TTBK2: variants seen among roughly 807,000 people sequenced by gnomAD.
TTBK2 encodes the protein tau tubulin kinase 2.
A neutral mutation model predicts 110.8 loss-of-function variants in TTBK2; 28 were observed. That is an observed-to-expected ratio of 0.25 (90% CI 0.19 to 0.35). The LOEUF is 0.35. Ranked by LOEUF, TTBK2 falls within the 10% of genes least tolerant of loss-of-function variation. TTBK2 has a pLI of 1.00. For synonymous variants in TTBK2, 532 were observed against 527.3 expected (o/e 1.01, Z -0.12); for missense variants, 1,369 against 1,500.3 (o/e 0.91, Z 1.45).
At chr15:42,880,605 G>C (rs147881527) in intron 1 of TTBK2, among the ~76,000 whole-genome samples, 268 of 152,072 alleles carry the variant, frequency 1.8e-3, no homozygotes, top group African/African-American at 6.1e-3. Context: ...TGTTGCCCAG[G>C]CTGGTCTCAG....
chr15:42,761,899 A>G (rs1455615329), intron 13 of TTBK2, among the ~76,000 whole-genome samples: 1 of 152,212 alleles, frequency 6.6e-6, no homozygotes, highest in African/African-American at 2.4e-5. Flanking sequence ...GAATTCCCAC[A>G]TGTTGTGGGA....
intron 9 of TTBK2, among the ~76,000 whole-genome samples, chr15:42,806,213 G>A (rs1486001198): frequency 6.6e-6 from 1 of 151,696 alleles, no homozygotes; most frequent in Admixed American, 6.6e-5. Context: ...GCAGTGAGCC[G>A]AGATCACACC....
rs756109463 is a variant in TTBK2 at position 42,753,842 on chromosome 15, T to TA, written c.1999-596dup. 7.2e-5 allele frequency among the ~76,000 whole-genome samples: 11 copies of TA among 152,296 alleles called. No individual in the cohort carries two copies. The East Asian group carries it at 1.9e-3, about 27-fold the overall frequency. ...TCTCTTAACTCTGCCCATACATCTG[T>TA]AAAAAATTCCTTACATTAAATTCTC... On this transcript the variant is annotated intron_variant, in intron 13 of 14. Transcript: ENST00000267890.
chr15:42,851,799 G>A (rs1213139707), intron 3 of TTBK2, among the ~76,000 whole-genome samples: 3 of 152,008 alleles, frequency 2.0e-5, no homozygotes, highest in Non-Finnish European at 4.4e-5. Context: ...GATAACAGTG[G>A]GGAAGAAAGT....
intron 13 of TTBK2, among the ~76,000 whole-genome samples, chr15:42,755,522 A>AG (rs2061934354): frequency 6.6e-6 from 1 of 152,158 alleles, no homozygotes; most frequent in East Asian, 1.9e-4. Context: ...ACACCTAACT[A>AG]ATGTCCTGGA....
Position 42,740,257 on chromosome 15 carries a change from C to T in TTBK2, c.*5538G>A, listed in dbSNP as rs975099636. 7 of 152,182 alleles carry T rather than the reference C, an allele frequency of 4.6e-5. No homozygotes were observed. The highest frequency in any genetic ancestry group is 1.2e-4 in the African/African-American group (5 of 41,432). The allele number at this position is 152,182 out of a possible 1,614,324, so 9.4% of individuals were successfully genotyped here. A position where few individuals can be genotyped will look rare whatever the true frequency, so the allele number is the denominator to read the frequency against. On this transcript the variant is annotated 3_prime_UTR_variant, in exon 15 of 15. Coordinates refer to ENST00000267890, the MANE Select transcript of TTBK2 (RefSeq NM_173500.4). ...AGAAAACCGTTACATTGCACAGGGC[C>T]ATGAAAGGAAAGGCTTCACTACTTT... is the stretch of plus-strand genomic sequence containing the variant.
chr15:42,782,231 CCTG>C (rs1890210284), intron 11 of TTBK2, among the ~76,000 whole-genome samples: 1 of 152,106 alleles, frequency 6.6e-6, no homozygotes, highest in South Asian at 2.1e-4. Flanking sequence ...ACCACCAAAC[CCTG>C]CTAATTTTTG....
intron 9 of TTBK2, among the ~76,000 whole-genome samples, chr15:42,808,575 ATGGTGGCTTC>A: frequency 6.6e-6 from 1 of 152,170 alleles, no homozygotes; most frequent in South Asian, 2.1e-4. Flanking sequence ...AAGACCAGGT[ATGGTGGCTTC>A]ATGCTGGCTA....
chr15:42,840,250 A>G, intron 4 of TTBK2, 110 bp downstream of exon 4: 1 of 990,842 alleles, frequency 1.0e-6, no homozygotes, highest in South Asian at 1.3e-5. Flanking sequence ...ATAGTATAAA[A>G]CATTCTCACA....
intron 3 of TTBK2, among the ~76,000 whole-genome samples, chr15:42,853,503 T>A (rs1893803658): frequency 6.6e-6 from 1 of 152,132 alleles, no homozygotes. Context: ...AATTAAATAA[T>A]CCTTCAATTA....
chr15:42,867,678 A>T lies in TTBK2; in HGVS notation c.217+4933T>A, dbSNP rs115898058. On this transcript the variant is annotated intron_variant, in intron 3 of 14. Transcript: ENST00000267890. ...ATGGCCAAAATCCAGAACACTGACA[A>T]TACCAAATGCTGGTGAGGATGTGGA... Among the ~76,000 whole-genome samples the T allele has an allele frequency of 9.1e-3, 1,385 of 152,320 alleles. 17 individuals are homozygous for T. Among genetic ancestry groups the T allele is most frequent in the African/African-American group, 0.032 (1,316 of 41,566 alleles).
At chr15:42,793,477 G>C (rs1212041158) in intron 10 of TTBK2, among the ~76,000 whole-genome samples, 1 of 152,080 alleles carries the variant, frequency 6.6e-6, no homozygotes, top group Non-Finnish European at 1.5e-5. Flanking sequence ...GGAATTTGAG[G>C]CCATAGTGCA....
chr15:42,880,693 C>T (rs982978850), intron 1 of TTBK2, among the ~76,000 whole-genome samples: 1 of 152,084 alleles, frequency 6.6e-6, no homozygotes, highest in African/African-American at 2.4e-5. Flanking sequence ...TGCACCTGGT[C>T]GGGCAGTTTG....
rs1298200358 is a variant in TTBK2, at chr15:42,815,893, A to AAAAT, written c.603+1138_603+1139insATTT. Among the ~76,000 whole-genome samples, 79 of 102,154 alleles carry AAAAT rather than the reference A, an allele frequency of 7.7e-4. 1 individual carries two copies. Among genetic ancestry groups the AAAAT allele is most frequent in the African/African-American group, 3.6e-3 (72 of 20,110 alleles). The allele number at this position is 102,154 out of a possible 152,430, so 67.0% of individuals were successfully genotyped here. A position where few individuals can be genotyped will look rare whatever the true frequency, so the allele number is the denominator to read the frequency against. ...ATATTTAAATATATATATATTTAAA[A>AAAAT]ATATATATATATATTTAAAAATATA... is the stretch of plus-strand genomic sequence containing the variant. On this transcript the variant is annotated intron_variant, in intron 7 of 14. Coordinates refer to ENST00000267890, the MANE Select transcript of TTBK2 (RefSeq NM_173500.4).
chr15:42,807,749 T>C (rs1316615443), intron 9 of TTBK2, among the ~76,000 whole-genome samples: 1 of 152,162 alleles, frequency 6.6e-6, no homozygotes, highest in Non-Finnish European at 1.5e-5. Flanking sequence ...CTCTGTCTCT[T>C]ATAGTTGTTA....
chr15:42,830,163 A>G, intron 4 of TTBK2, 85 bp from the exon 5 acceptor site: 3 of 1,547,478 alleles, frequency 1.9e-6, no homozygotes, highest in Non-Finnish European at 2.6e-6. Context: ...CTTACCATTA[A>G]AAGATGTTTT....
At chr15:42,874,587 G>T (rs1159149359) in intron 2 of TTBK2, among the ~76,000 whole-genome samples, 1 of 151,846 alleles carries the variant, frequency 6.6e-6, no homozygotes, top group East Asian at 2.0e-4. Flanking sequence ...AAAGTGCTGG[G>T]ATTCCAGGCG....
At chr15:42,787,839 C>T (rs1029646489) in intron 10 of TTBK2, among the ~76,000 whole-genome samples, 6 of 152,142 alleles carry the variant, frequency 3.9e-5, no homozygotes, top group East Asian at 1.9e-4. Context: ...CGCTTAACAA[C>T]GGGGATACAT....
chr15:42,864,796 GAA>G (rs1387005995), intron 3 of TTBK2, among the ~76,000 whole-genome samples: 1 of 151,968 alleles, frequency 6.6e-6, no homozygotes, highest in Non-Finnish European at 1.5e-5. Flanking sequence ...TGTGAAGAAG[GAA>G]AAAGTGAAGG....
Sources: gnomAD v4.1 joint callset for allele counts (sites outside exome capture counted in the v4.1 genomes callset) on GRCh38, gnomAD v4.1.1 for gene constraint, MANE v1.5 for transcripts, NCBI Gene and HGNC (gene_info 2026-07-23, HGNC 2026-07-21) for gene names.